Variants in TXLNB observed in about 807,000 individuals in gnomAD.
The protein encoded by TXLNB is taxilin beta.
In TXLNB, 37 loss-of-function variants were observed where a neutral mutation model predicts 57.4. The ratio of observed to expected loss-of-function variants is 0.64; its 90% CI spans 0.50 to 0.85. TXLNB has a LOEUF of 0.85. Among genes scored for constraint, TXLNB ranks in the 40% least tolerant of loss-of-function variants. TXLNB has a pLI of 0.00. For synonymous variants in TXLNB, 302 were observed against 309.6 expected (o/e 0.98, Z 0.26); for missense variants, 848 against 825.6 (o/e 1.03, Z -0.33).
At chr6:139,230,216 A>G in the TXLNB span, among the ~76,000 whole-genome samples, 1 of 152,226 alleles carries the variant, frequency 6.6e-6, no homozygotes, top group African/African-American at 2.4e-5. Context: ...CTACAACTAT[A>G]TAGCTAGTCA....
chr6:139,305,588 AGAG>A, the TXLNB span, among the ~76,000 whole-genome samples: 2 of 152,214 alleles, frequency 1.3e-5, no homozygotes, highest in African/African-American at 4.8e-5. Flanking sequence ...ATAAATTGTT[AGAG>A]TCAGAAAGAT....
At chr6:139,201,593 A>G in the TXLNB span, 4 of 152,318 alleles carry the variant, frequency 2.6e-5, no homozygotes, top group African/African-American at 4.8e-5. Flanking sequence ...CATGAATTGC[A>G]AGTAAATGCC....
the TXLNB span, chr6:139,178,151 T>C: frequency 6.6e-6 from 1 of 152,214 alleles, no homozygotes; most frequent in Non-Finnish European, 1.5e-5. Context: ...TAAAAGTATG[T>C]TTTGGAAAAT....
rs559606325 is a variant in TXLNB at position 139,276,752 on chromosome 6, G to C, written c.516+78C>G. The stretch of plus-strand genomic sequence containing the variant: ...TTTACAATTCATTCTCGGATTGGCA[G>C]GTGTTTGTTGTTCCTTGAAGCTAGA... On this transcript the variant is annotated intron_variant, in intron 3 of 9. Transcript: ENST00000358430. 1.0e-4 allele frequency: 107 copies of C among 1,039,426 alleles called. 1 individual carries two copies. The African/African-American group carries it at 1.5e-3, about 14-fold the overall frequency. 64.4% of individuals were successfully genotyped at this position (1,039,426 alleles called of 1,614,324 possible).
the TXLNB span, among the ~76,000 whole-genome samples, chr6:139,229,216 G>C: frequency 1.3e-5 from 2 of 152,298 alleles, no homozygotes; most frequent in Admixed American, 6.5e-5. Context: ...CATATTGACA[G>C]TTTCTGAGTA....
chr6:139,161,787 T>C, the TXLNB span, among the ~76,000 whole-genome samples: 1 of 152,216 alleles, frequency 6.6e-6, no homozygotes, highest in Non-Finnish European at 1.5e-5. Context: ...GTTATTGTGG[T>C]TACATTTCAG....
chr6:139,276,440 A>G (rs973764556), intron 3 of TXLNB, among the ~76,000 whole-genome samples: 3 of 152,194 alleles, frequency 2.0e-5, no homozygotes, highest in African/African-American at 7.2e-5. Context: ...AAAAGGAGCT[A>G]GTGAGGTGCT....
chr6:139,284,442 C>T (rs1777125368), intron 2 of TXLNB, among the ~76,000 whole-genome samples: 1 of 144,982 alleles, frequency 6.9e-6, no homozygotes, highest in South Asian at 2.3e-4. Flanking sequence ...GCAGGAGAAT[C>T]GCTTGAACTA....
At chr6:139,194,512 C>A in the TXLNB span, among the ~76,000 whole-genome samples, 2 of 152,178 alleles carry the variant, frequency 1.3e-5, no homozygotes, top group African/African-American at 4.8e-5. Context: ...ATCCTAAATT[C>A]TTCTTTTTTA....
intron 2 of TXLNB, among the ~76,000 whole-genome samples, chr6:139,281,888 C>G (rs1452593799): frequency 7.3e-6 from 1 of 137,224 alleles, no homozygotes; most frequent in Non-Finnish European, 1.5e-5. Context: ...TGTGTATACA[C>G]TATTACCAAT....
At chr6:139,188,392 T>G in the TXLNB span, among the ~76,000 whole-genome samples, 2 of 152,180 alleles carry the variant, frequency 1.3e-5, no homozygotes, top group African/African-American at 4.8e-5. Flanking sequence ...TTGGGTCAGC[T>G]TCAAACTGAG....
chr6:139,289,143 G>A (rs967440456), intron 1 of TXLNB, among the ~76,000 whole-genome samples: 9 of 152,260 alleles, frequency 5.9e-5, no homozygotes, highest in Admixed American at 2.0e-4. Flanking sequence ...AAACTAAAAC[G>A]CAGACATGAA....
the TXLNB span, among the ~76,000 whole-genome samples, chr6:139,227,228 A>G: frequency 6.6e-6 from 1 of 151,944 alleles, no homozygotes; most frequent in South Asian, 2.1e-4. Context: ...AATCCCAGTT[A>G]CTCAGGAGGC....
chr6:139,275,984 A>G (rs1378574776), intron 3 of TXLNB, among the ~76,000 whole-genome samples: 1 of 152,198 alleles, frequency 6.6e-6, no homozygotes, highest in Non-Finnish European at 1.5e-5. Context: ...TCTCCAAAAG[A>G]AGTAAGTGAA....
chr6:139,269,786 T>C (rs1353422599), intron 4 of TXLNB, among the ~76,000 whole-genome samples: 7 of 152,242 alleles, frequency 4.6e-5, no homozygotes, highest in African/African-American at 1.7e-4. Flanking sequence ...TGGAGAGCTC[T>C]GCATCTTGCT....
chr6:139,265,603 A>G (rs1776596696), intron 4 of TXLNB, among the ~76,000 whole-genome samples: 1 of 152,236 alleles, frequency 6.6e-6, no homozygotes, highest in Admixed American at 6.5e-5. Flanking sequence ...GGTACACTTA[A>G]GGTGTTTCAC....
chr6:139,279,370 T>C (rs1776986573), intron 2 of TXLNB, among the ~76,000 whole-genome samples: 1 of 152,236 alleles, frequency 6.6e-6, no homozygotes, highest in Non-Finnish European at 1.5e-5. Context: ...TATAGAAGGT[T>C]AACATCCAGG....
the TXLNB span, among the ~76,000 whole-genome samples, chr6:139,313,438 GAA>G: frequency 2.7e-5 from 4 of 146,000 alleles, no homozygotes; most frequent in South Asian, 8.6e-4. Flanking sequence ...ATGGCAGGAA[GAA>G]AAAAAAAAAG....
Position 139,262,660 on chromosome 6 carries a change from T to G in TXLNB, c.801A>C (p.Arg267=). Residue 267 remains arginine (R), a synonymous_variant, in exon 5 of 10, where the codon CGA becomes CGC. Transcript: ENST00000358430. ...TGTTCTCCTGACAGAGCTTCATATT[T>G]CGCTCACTCTGCTGCTCGATCTGGC... ...IQGQIEQQSE[R]NMKLCQENTE... is the part of the protein sequence containing the mutation. The G allele has an allele frequency of 6.2e-7, 1 of 1,614,190 alleles. No homozygotes were observed.
Sources: gnomAD v4.1 joint callset for allele counts (sites outside exome capture counted in the v4.1 genomes callset) on GRCh38, gnomAD v4.1.1 for gene constraint, MANE v1.5 for transcripts, NCBI Gene and HGNC (gene_info 2026-07-23, HGNC 2026-07-21) for gene names.